The following OSBPL3 variants were observed in gnomAD, a reference collection of about 807,000 sequenced individuals.
OSBPL3 encodes oxysterol-binding protein-related protein 3.
OSBPL3 carries 65 observed loss-of-function variants against 120.1 expected under a neutral mutation model. The ratio of observed to expected loss-of-function variants is 0.54; its 90% CI spans 0.44 to 0.67. The LOEUF is 0.67. OSBPL3 is among the 30% of genes least tolerant of loss of function. The pLI is 0.00. For synonymous variants in OSBPL3, 416 were observed against 402.6 expected (o/e 1.03, Z -0.40); for missense variants, 1,004 against 1,082.1 (o/e 0.93, Z 1.01).
At position 24,899,820 on chromosome 7, in the gene OSBPL3, T is replaced by C. The variant is rs1409089602; in HGVS notation, c.-149-7199A>G. On this transcript the variant is annotated intron_variant, in intron 1 of 22. Coordinates refer to ENST00000313367, the MANE Select transcript of OSBPL3 (RefSeq NM_015550.4). This position sits in a 1 kb window ranked among gnomAD's most constrained non-coding sequence, Gnocchi z 4.0. Reference sequence around the variant, plus strand: ...CTTCAAAGTCTTCCGGATTCTTATTTAAGATGCAGATTTTGCTCCACTTTA... The same window carrying C: ...CTTCAAAGTCTTCCGGATTCTTATTCAAGATGCAGATTTTGCTCCACTTTA... Among the ~76,000 whole-genome samples the C allele has an allele frequency of 1.3e-5, 2 of 152,248 alleles. No homozygotes were observed. Among genetic ancestry groups the C allele is most frequent in the Admixed American group, 6.5e-5 (1 of 15,286 alleles).
At position 24,967,983 on chromosome 7, in the gene OSBPL3, A is replaced by G. The variant is rs1290217544; in HGVS notation, c.-150+11903T>C. Among the ~76,000 whole-genome samples, 2 of 152,192 alleles carry G rather than the reference A, an allele frequency of 1.3e-5. No homozygotes were observed. Among genetic ancestry groups the G allele is most frequent in the Non-Finnish European group, 2.9e-5 (2 of 68,042 alleles). ...TAGTCAATGGCACCATAAATAACAC[A>G]GTCACATACGCCTGAAACTCTGCAG... On this transcript the variant is annotated intron_variant, in intron 1 of 22. Coordinates refer to ENST00000313367, the MANE Select transcript of OSBPL3 (RefSeq NM_015550.4). This position sits in a 1 kb window ranked among gnomAD's most constrained non-coding sequence, Gnocchi z 5.6.
chr7:24,944,237 A>C (rs1408343220), intron 1 of OSBPL3, among the ~76,000 whole-genome samples: 1 of 152,184 alleles, frequency 6.6e-6, no homozygotes. Context: ...TTATTGTGAG[A>C]CTTTGAGCAA....
chr7:24,853,176 G>A (rs1799383719), intron 10 of OSBPL3, among the ~76,000 whole-genome samples: 1 of 152,182 alleles, frequency 6.6e-6, no homozygotes, highest in Non-Finnish European at 1.5e-5. Flanking sequence ...ACTGGAAAGG[G>A]TTAAAAACAA....
chr7:24,834,700 CG>C lies in OSBPL3; in HGVS notation c.1531del (p.Arg511GlyfsTer22), dbSNP rs759816138. On this transcript the variant is annotated frameshift_variant, in exon 15 of 23. Transcript: ENST00000313367. LOFTEE classifies it high-confidence loss of function. The surrounding 1 kb of genome is among the most constrained non-coding windows in gnomAD (Gnocchi z 5.2). ...GGGCGCCGGCAGGCACGTTCTTCTC[CG>C]GGACTTCGCTTCCCGACCACTATCA... The part of the protein sequence containing the change: ...VLDSGREAKS[R>X]RRTCLPAPCP... 6.2e-7 allele frequency: 1 copy of C among 1,613,254 alleles called. No individual in the cohort carries two copies. The highest frequency in any genetic ancestry group is 2.2e-5 in the East Asian group (1 of 44,878).
rs971574474 is a variant in OSBPL3 at position 24,873,768 on chromosome 7, T to C, written c.97-1699A>G. On this transcript the variant is annotated intron_variant, in intron 2 of 22. Coordinates refer to ENST00000313367, the MANE Select transcript of OSBPL3 (RefSeq NM_015550.4). This position sits in a 1 kb window ranked among gnomAD's most constrained non-coding sequence, Gnocchi z 4.1. ...AAAAAAAAAACTTACTTGAATTTAT[T>C]TTAGCTCAGAAAGCCATTCCACAAA... is the stretch of plus-strand genomic sequence containing the variant. Among the ~76,000 whole-genome samples, 1 of 152,216 alleles carries C rather than the reference T, an allele frequency of 6.6e-6. No homozygotes were observed. The highest frequency in any genetic ancestry group is 2.4e-5 in the African/African-American group (1 of 41,464).
rs565507319 is a variant in OSBPL3, at chr7:24,810,076, C to A, written c.2173-125G>T. ...TGGCTCCATACTGCATATTAGTTTGCTAGTTCTGGGTTCCGTTTTTTTAAC... is the reference window on the plus strand; with the variant it reads ...TGGCTCCATACTGCATATTAGTTTGATAGTTCTGGGTTCCGTTTTTTTAAC... On this transcript the variant is annotated intron_variant, in intron 19 of 22. Transcript: ENST00000313367. 9.9e-6 allele frequency: 10 copies of A among 1,013,576 alleles called. No individual in the cohort carries two copies. In the South Asian group the frequency reaches 1.4e-4, roughly 15 times the overall value. The allele number at this position is 1,013,576 out of a possible 1,614,324, so 62.8% of individuals were successfully genotyped here. A position where few individuals can be genotyped will look rare whatever the true frequency, so the allele number is the denominator to read the frequency against.
Position 24,900,724 on chromosome 7 carries a change from T to G in OSBPL3, c.-149-8103A>C, listed in dbSNP as rs1434238682. On this transcript the variant is annotated intron_variant, in intron 1 of 22. Transcript: ENST00000313367. The surrounding 1 kb of genome is among the most constrained non-coding windows in gnomAD (Gnocchi z 4.5). ...GGCTCATGCCTGTAATCCCAGCACTTTGGGAGGCCAAGGTAGGTGGATCGC... is the reference window on the plus strand; with the variant it reads ...GGCTCATGCCTGTAATCCCAGCACTGTGGGAGGCCAAGGTAGGTGGATCGC... Among the ~76,000 whole-genome samples the G allele has an allele frequency of 1.3e-5, 2 of 152,134 alleles. No individual in the cohort carries two copies. The highest frequency in any genetic ancestry group is 2.4e-5 in the African/African-American group (1 of 41,428).
intron 16 of OSBPL3, among the ~76,000 whole-genome samples, chr7:24,823,273 A>G (rs768412967): frequency 2.0e-5 from 3 of 152,154 alleles, no homozygotes; most frequent in Non-Finnish European, 4.4e-5. Flanking sequence ...ACTGTCCAGG[A>G]TCATACACTG....
rs1813909142 is a variant in OSBPL3, at chr7:24,947,810, T to A, written c.-150+32076A>T. Reference sequence around the variant, plus strand: ...CACACACACACACACACACACACACTCATTGCATACTACCCATGTGCCAGA... The same window carrying A: ...CACACACACACACACACACACACACACATTGCATACTACCCATGTGCCAGA... On this transcript the variant is annotated intron_variant, in intron 1 of 22. Coordinates refer to ENST00000313367, the MANE Select transcript of OSBPL3 (RefSeq NM_015550.4). This position sits in a 1 kb window ranked among gnomAD's most constrained non-coding sequence, Gnocchi z 4.4. Among the ~76,000 whole-genome samples the A allele has an allele frequency of 1.4e-5, 2 of 140,874 alleles. No individual in the cohort carries two copies. Among genetic ancestry groups the A allele is most frequent in the Non-Finnish European group, 1.5e-5 (1 of 65,178 alleles). The allele number at this position is 140,874 out of a possible 152,430, so 92.4% of individuals were successfully genotyped here. A position where few individuals can be genotyped will look rare whatever the true frequency, so the allele number is the denominator to read the frequency against.
chr7:24,832,263 G>C (rs1796469546), intron 15 of OSBPL3, among the ~76,000 whole-genome samples: 1 of 147,754 alleles, frequency 6.8e-6, no homozygotes, highest in African/African-American at 2.5e-5. Context: ...TGTAATCTCA[G>C]CACTTTGGGA....
At chr7:24,875,927 TG>T (rs1022173804) in intron 2 of OSBPL3, among the ~76,000 whole-genome samples, 15 of 152,306 alleles carry the variant, frequency 9.8e-5, no homozygotes, top group African/African-American at 3.1e-4. Flanking sequence ...TGTGTGCTGT[TG>T]TAAGAAAGAA....
chr7:24,969,435 CAT>C (rs1271491695), intron 1 of OSBPL3, among the ~76,000 whole-genome samples: 2 of 152,094 alleles, frequency 1.3e-5, no homozygotes, highest in Non-Finnish European at 1.5e-5. Flanking sequence ...TGCCTTTTGA[CAT>C]AGTTTTTAAA....
intron 1 of OSBPL3, among the ~76,000 whole-genome samples, chr7:24,963,842 G>C (rs930333476): frequency 4.6e-5 from 7 of 152,058 alleles, no homozygotes; most frequent in Non-Finnish European, 8.8e-5. Context: ...CAATTTAGTG[G>C]ATCAAGACCA....
Position 24,892,450 on chromosome 7 carries a change from A to C in OSBPL3, c.23T>G (p.Leu8Arg). Residue 8 changes from leucine (L) to arginine (R), a missense_variant, in exon 2 of 23, where the codon CTT becomes CGT. Coordinates refer to ENST00000313367, the MANE Select transcript of OSBPL3 (RefSeq NM_015550.4). ...TGATACCAATTTTTGGGACACACCA[A>C]GGTTCTTCTCATCACTCATCATGGA... is the stretch of plus-strand genomic sequence containing the variant. MMSDEKN[L>R]GVSQKLVSPS... The C allele has an allele frequency of 6.2e-7, 1 of 1,613,822 alleles. No individual in the cohort carries two copies. Among genetic ancestry groups the C allele is most frequent in the Non-Finnish European group, 8.5e-7 (1 of 1,179,744 alleles).
intron 13 of OSBPL3, among the ~76,000 whole-genome samples, chr7:24,841,375 C>T (rs1407813636): frequency 6.6e-6 from 1 of 151,526 alleles, no homozygotes; most frequent in Non-Finnish European, 1.5e-5. Flanking sequence ...ATGCTAATTT[C>T]CTTCTCTATA....
At position 24,854,511 on chromosome 7, in the gene OSBPL3, C is replaced by T. The variant is rs1246297525; in HGVS notation, c.1028-1877G>A. On this transcript the variant is annotated intron_variant, in intron 10 of 22. Transcript: ENST00000313367. The surrounding 1 kb of genome is among the most constrained non-coding windows in gnomAD (Gnocchi z 4.1). Reference sequence around the variant, plus strand: ...TTGTACACACACACACGCACACACACACACACACACACACACACACACACA... The same window carrying T: ...TTGTACACACACACACGCACACACATACACACACACACACACACACACACA... Among the ~76,000 whole-genome samples the T allele has an allele frequency of 9.5e-6, 1 of 105,698 alleles. No individual in the cohort carries two copies. The highest frequency in any genetic ancestry group is 2.0e-5 in the Non-Finnish European group (1 of 49,066). 69.3% of individuals were successfully genotyped at this position (105,698 alleles called of 152,430 possible). A position where few individuals can be genotyped will look rare whatever the true frequency, so the allele number is the denominator to read the frequency against.
intron 1 of OSBPL3, among the ~76,000 whole-genome samples, chr7:24,931,593 C>T (rs554980252): frequency 1.3e-5 from 2 of 152,176 alleles, no homozygotes; most frequent in African/African-American, 4.8e-5. Context: ...CAAAAGCCTC[C>T]AAAAGAACAA....
Position 24,806,620 on chromosome 7 carries a change from C to T in OSBPL3, c.2444+156G>A, listed in dbSNP as rs1251481905. Among the ~76,000 whole-genome samples the T allele has an allele frequency of 6.6e-6, 1 of 152,206 alleles. No individual in the cohort carries two copies. Among genetic ancestry groups the T allele is most frequent in the Non-Finnish European group, 1.5e-5 (1 of 68,032 alleles). The stretch of plus-strand genomic sequence containing the variant: ...ATGGATCCTAGTTGGGCCCCATCTC[C>T]TCCGTGATACAATTGTTTAAAGCAT... On this transcript the variant is annotated intron_variant, in intron 21 of 22. Coordinates refer to ENST00000313367, the MANE Select transcript of OSBPL3 (RefSeq NM_015550.4). The surrounding 1 kb of genome is among the most constrained non-coding windows in gnomAD (Gnocchi z 5.2).
chr7:24,886,785 G>A (rs1056009337), intron 2 of OSBPL3, among the ~76,000 whole-genome samples: 2 of 152,198 alleles, frequency 1.3e-5, no homozygotes, highest in Non-Finnish European at 2.9e-5. Flanking sequence ...GAACATTTGT[G>A]AAGGCTTCTC....
Sources: gnomAD v4.1 joint callset for allele counts (sites outside exome capture counted in the v4.1 genomes callset) on GRCh38, gnomAD v4.1.1 for gene constraint, Gnocchi (gnomAD v3.1) non-coding constraint, MANE v1.5 for transcripts, NCBI Gene and HGNC (gene_info 2026-07-23, HGNC 2026-07-21) for gene names.